GPR158: variants seen among roughly 807,000 people sequenced by gnomAD.
GPR158 encodes the protein metabotropic glycine receptor.
In GPR158, 30 loss-of-function variants were observed where a neutral mutation model predicts 78.2. That is an observed-to-expected ratio of 0.38 (90% CI 0.29 to 0.52). The LOEUF (loss-of-function observed/expected upper bound fraction) is 0.52. Ranked by LOEUF, GPR158 falls within the 20% of genes least tolerant of loss-of-function variation. GPR158 has a pLI of 0.83. For synonymous variants in GPR158, 581 were observed against 591.1 expected, an observed-to-expected ratio of 0.98 and a Z score of 0.25; for missense variants, 1,463 against 1,523.5, an observed-to-expected ratio of 0.96 and a Z score of 0.66.
rs1220196313 is a variant in GPR158 at position 25,599,596 on chromosome 10, G to C, written c.*322G>C. The C allele has an allele frequency of 4.3e-6, 1 of 231,244 alleles. No individual in the cohort carries two copies. Among genetic ancestry groups the C allele is most frequent in the East Asian group, 9.5e-5 (1 of 10,580 alleles). 14.3% of individuals were successfully genotyped at this position (231,244 alleles called of 1,614,324 possible). ...TGGGACTTTGAAGATCCTAAGCCAG[G>C]TAAACCAGGAGACACAGAAGACGTA... On this transcript the variant is annotated 3_prime_UTR_variant, in exon 11 of 11. Coordinates refer to ENST00000376351, the MANE Select transcript of GPR158 (RefSeq NM_020752.3).
In GPR158 at chr10:25,175,954, C is replaced by T. The variant is rs1380497168; in HGVS notation, c.534C>T (p.Phe178=). ...GCATCTCCCGGGCGGCCATCACCTT[C>T]AGCACCGATTCGCTGTCCGCACCGG... ...EPSISRAAIT[F]STDSLSAPAP... is the part of the protein sequence containing the mutation. The change falls in exon 1 of 11, where the codon TTC becomes TTT. Residue 178 remains phenylalanine, a synonymous_variant. Coordinates refer to ENST00000376351, the MANE Select transcript of GPR158 (RefSeq NM_020752.3). The surrounding 1 kb of genome is among the most constrained non-coding windows in gnomAD (Gnocchi z 6.4). 1 of 1,613,372 alleles carries T rather than the reference C, an allele frequency of 6.2e-7. No homozygotes were observed. The highest frequency in any genetic ancestry group is 8.5e-7 in the Non-Finnish European group (1 of 1,179,988).
chr10:25,562,612 T>C (rs553447722), intron 6 of GPR158, among the ~76,000 whole-genome samples: 51 of 152,206 alleles, frequency 3.4e-4, no homozygotes, highest in Non-Finnish European at 6.2e-4. Flanking sequence ...GATTTCTAAT[T>C]CAGTTCACTG....
chr10:25,442,443 T>C (rs1364143183), intron 4 of GPR158, among the ~76,000 whole-genome samples: 2 of 152,134 alleles, frequency 1.3e-5, no homozygotes, highest in East Asian at 1.9e-4. Context: ...TGCAGTTCAG[T>C]TGAACCCAGA....
At chr10:25,451,638 A>G (rs953135272) in intron 4 of GPR158, among the ~76,000 whole-genome samples, 4 of 152,196 alleles carry the variant, frequency 2.6e-5, no homozygotes, top group African/African-American at 9.6e-5. Context: ...CCAGTGTGTA[A>G]TGTCAGTTCC....
intron 2 of GPR158, among the ~76,000 whole-genome samples, chr10:25,279,071 AT>A (rs746831372): frequency 5.9e-5 from 9 of 152,124 alleles, no homozygotes; most frequent in East Asian, 1.9e-4. Flanking sequence ...TATAAAAAAA[AT>A]ATTGTACAAA....
At chr10:25,273,820 T>C (rs1289300666) in intron 2 of GPR158, among the ~76,000 whole-genome samples, 8 of 151,818 alleles carry the variant, frequency 5.3e-5, no homozygotes, top group Non-Finnish European at 1.2e-4. Flanking sequence ...GCTGGGACTA[T>C]AGATGCGCGC....
In GPR158 at chr10:25,596,739, A is replaced by G; in HGVS notation, c.2095A>G (p.Ser699Gly). ...MGRSGSYLNSSINSAWSEHSL... is the reference protein window; with the variant it reads ...MGRSGSYLNSGINSAWSEHSL... ...CCGATCTGGATCCTACCTGAACAGC[A>G]GTATCAATTCAGCCTGGAGTGAGCA... is the stretch of plus-strand genomic sequence containing the variant. The change falls in exon 10 of 11, where the codon AGT becomes GGT. Residue 699 changes from serine to glycine, a missense_variant. Transcript: ENST00000376351. 1.9e-6 allele frequency: 3 copies of G among 1,613,754 alleles called. No homozygotes were observed. Among genetic ancestry groups the G allele is most frequent in the Non-Finnish European group, 2.5e-6 (3 of 1,179,700 alleles).
intron 2 of GPR158, among the ~76,000 whole-genome samples, chr10:25,364,227 T>C (rs1227500829): frequency 6.6e-6 from 1 of 151,930 alleles, no homozygotes; most frequent in Non-Finnish European, 1.5e-5. Context: ...CCAAAGTCCA[T>C]GTTCTTAACC....
intron 1 of GPR158, among the ~76,000 whole-genome samples, chr10:25,215,204 T>C (rs553734662): frequency 2.0e-5 from 3 of 152,294 alleles, no homozygotes; most frequent in South Asian, 2.1e-4. Context: ...GAAATTCTAA[T>C]ACATGCTACA....
chr10:25,296,065 A>C (rs975928475), intron 2 of GPR158, among the ~76,000 whole-genome samples: 24 of 151,698 alleles, frequency 1.6e-4, no homozygotes, highest in African/African-American at 5.8e-4. Context: ...AAAAAAAAAA[A>C]AAAACCTAAG....
chr10:25,406,528 G>A (rs1041749519), intron 3 of GPR158, among the ~76,000 whole-genome samples: 2 of 152,092 alleles, frequency 1.3e-5, no homozygotes, highest in African/African-American at 2.4e-5. Context: ...CAAAAAGCTG[G>A]GAATAGCCAG....
intron 2 of GPR158, among the ~76,000 whole-genome samples, chr10:25,241,189 C>CTTTT (rs1364067292): frequency 1.8e-5 from 1 of 56,104 alleles, no homozygotes; most frequent in Admixed American, 2.1e-4. Flanking sequence ...TTCTTTCTTT[C>CTTTT]CTTTCTTTCT....
At chr10:25,286,286 C>T (rs535069252) in intron 2 of GPR158, among the ~76,000 whole-genome samples, 1 of 152,004 alleles carries the variant, frequency 6.6e-6, no homozygotes, top group South Asian at 2.1e-4. Flanking sequence ...CTCTGTTTTT[C>T]TCTTGTATTA....
chr10:25,374,749 A>G (rs1274457759), intron 2 of GPR158, among the ~76,000 whole-genome samples: 5 of 151,720 alleles, frequency 3.3e-5, no homozygotes, highest in African/African-American at 7.2e-5. Flanking sequence ...TTTTATTACT[A>G]TGTAGTATTC....
intron 6 of GPR158, among the ~76,000 whole-genome samples, chr10:25,563,794 A>ATAC (rs1836890093): frequency 8.4e-6 from 1 of 118,622 alleles, no homozygotes; most frequent in African/African-American, 4.9e-5. Flanking sequence ...ATTTATACTT[A>ATAC]TTGTTTTATG....
chr10:25,388,064 A>G (rs1005192676), intron 2 of GPR158, among the ~76,000 whole-genome samples: 2 of 152,196 alleles, frequency 1.3e-5, no homozygotes, highest in African/African-American at 2.4e-5. Flanking sequence ...ATCTTATGCA[A>G]TTGGATCTGG....
At chr10:25,220,211 G>C (rs201855914) in intron 1 of GPR158, among the ~76,000 whole-genome samples, 1 of 152,178 alleles carries the variant, frequency 6.6e-6, no homozygotes, top group East Asian at 1.9e-4. Flanking sequence ...TTTCAATAAA[G>C]TCCATGTGTG....
At chr10:25,344,094 A>G (rs1855339058) in intron 2 of GPR158, among the ~76,000 whole-genome samples, 1 of 151,876 alleles carries the variant, frequency 6.6e-6, no homozygotes, top group Non-Finnish European at 1.5e-5. Context: ...ATTCCTCAGG[A>G]CTCACTGCTT....
At chr10:25,521,362 T>C (rs939655354) in intron 5 of GPR158, among the ~76,000 whole-genome samples, 6 of 152,214 alleles carry the variant, frequency 3.9e-5, no homozygotes, top group African/African-American at 1.4e-4. Flanking sequence ...GCCGGAGCTG[T>C]TCCTATTCGG....
Sources: gnomAD v4.1 joint callset for allele counts (sites outside exome capture counted in the v4.1 genomes callset) on GRCh38, gnomAD v4.1.1 for gene constraint, Gnocchi (gnomAD v3.1) non-coding constraint, MANE v1.5 for transcripts, NCBI Gene and HGNC (gene_info 2026-07-23, HGNC 2026-07-21) for gene names.